Variants in GALNT13 observed in about 807,000 individuals in gnomAD.
The protein encoded by GALNT13 is polypeptide N-acetylgalactosaminyltransferase 13.
A neutral mutation model predicts 64.2 loss-of-function variants in GALNT13; 28 were observed. That is an observed-to-expected ratio of 0.44 (90% CI 0.32 to 0.60). GALNT13 has a LOEUF of 0.60. Among genes scored for constraint, GALNT13 ranks in the 20% least tolerant of loss-of-function variants. GALNT13 has a pLI of 0.05. For missense variants in GALNT13, 577 were observed against 669.8 expected (o/e 0.86, Z 1.53); for synonymous variants, 214 against 224.6 (o/e 0.95, Z 0.42).
At chr2:153,405,899 C>T in the GALNT13 span, among the ~76,000 whole-genome samples, 601 of 152,268 alleles carry the variant, frequency 3.9e-3, 1 homozygote, top group Non-Finnish European at 6.6e-3. Context: ...TAGATGCAGA[C>T]TGGCAAGCAA....
chr2:153,780,214 GATATATATATATATATATATATATAT>G, the GALNT13 span, among the ~76,000 whole-genome samples: 59,903 of 128,176 alleles, frequency 0.47, 15,593 homozygotes, highest in Middle Eastern at 0.61. Context: ...AGAATTTGAA[GATATATATATATATATATATATATAT>G]ATATATATAT....
chr2:153,989,084 A>G (rs1694996256), intron 3 of GALNT13, among the ~76,000 whole-genome samples: 1 of 152,004 alleles, frequency 6.6e-6, no homozygotes, highest in South Asian at 2.1e-4. Flanking sequence ...GTGCCTTAAG[A>G]ATGCCTGTAT....
the GALNT13 span, among the ~76,000 whole-genome samples, chr2:153,455,132 T>C: frequency 6.6e-6 from 1 of 152,154 alleles, no homozygotes; most frequent in Non-Finnish European, 1.5e-5. Context: ...TTTTCTTTGT[T>C]TTAGGTGATG....
At chr2:153,606,036 A>G in the GALNT13 span, among the ~76,000 whole-genome samples, 3,062 of 152,112 alleles carry the variant, frequency 0.02, 106 homozygotes, top group African/African-American at 0.071. Context: ...AGTTCCCCAT[A>G]TTTATACTCT....
chr2:154,232,835 C>G (rs1688990630), intron 4 of GALNT13, among the ~76,000 whole-genome samples: 1 of 147,976 alleles, frequency 6.8e-6, no homozygotes, highest in African/African-American at 2.5e-5. Flanking sequence ...GAGTTTGAGA[C>G]AAGCCTGGGC....
At chr2:153,812,519 C>T in the GALNT13 span, among the ~76,000 whole-genome samples, 1 of 152,130 alleles carries the variant, frequency 6.6e-6, no homozygotes. Context: ...TTTCTGTACA[C>T]ATTTATTCAT....
At chr2:154,002,478 G>T (rs964472854) in intron 3 of GALNT13, among the ~76,000 whole-genome samples, 2 of 151,644 alleles carry the variant, frequency 1.3e-5, no homozygotes, top group Non-Finnish European at 2.9e-5. Flanking sequence ...TTCATTTATT[G>T]TATCTATAAT....
chr2:154,032,455 AAAG>A (rs1393232459), intron 3 of GALNT13, among the ~76,000 whole-genome samples: 33 of 152,132 alleles, frequency 2.2e-4, no homozygotes, highest in African/African-American at 6.7e-4. Flanking sequence ...ATCACCAAGA[AAAG>A]AAATTGCCAA....
chr2:153,430,193 T>C, the GALNT13 span, among the ~76,000 whole-genome samples: 1 of 152,104 alleles, frequency 6.6e-6, no homozygotes, highest in Non-Finnish European at 1.5e-5. Context: ...GATTTGTACA[T>C]ACTTTGAACC....
At chr2:153,867,354 C>T (rs550153931), upstream of GALNT13, among the ~76,000 whole-genome samples, 21 of 151,822 alleles carry the variant, frequency 1.4e-4, no homozygotes, top group African/African-American at 5.1e-4. Flanking sequence ...GTGTAGTGAT[C>T]GATATGTTAT....
chr2:153,473,044 G>A, the GALNT13 span, among the ~76,000 whole-genome samples: 6 of 152,040 alleles, frequency 3.9e-5, no homozygotes, highest in Non-Finnish European at 8.8e-5. Flanking sequence ...GCGGGTGGGG[G>A]GCTAGGGGAG....
At chr2:153,544,999 C>A in the GALNT13 span, among the ~76,000 whole-genome samples, 1 of 151,930 alleles carries the variant, frequency 6.6e-6, no homozygotes, top group East Asian at 1.9e-4. Context: ...GGAGTTGGAT[C>A]AATGTTCTCT....
At chr2:153,421,644 G>T in the GALNT13 span, 2 of 267,572 alleles carry the variant, frequency 7.5e-6, no homozygotes, top group Admixed American at 7.8e-5. Flanking sequence ...TGCCAATGTC[G>T]TGATGCCCCC....
At chr2:154,438,306 A>G (rs1247270984) in intron 11 of GALNT13, among the ~76,000 whole-genome samples, 1 of 152,238 alleles carries the variant, frequency 6.6e-6, no homozygotes, top group East Asian at 1.9e-4. Context: ...GAGCTTTATA[A>G]TGCAAGTATC....
chr2:154,411,184 TAAAG>T lies in GALNT13; in HGVS notation c.1395+2107_1395+2110del, dbSNP rs953683756. Among the ~76,000 whole-genome samples, 53 of 151,990 alleles carry T rather than the reference TAAAG, an allele frequency of 3.5e-4. 1 individual carries two copies. The highest frequency in any genetic ancestry group is 1.2e-3 in the African/African-American group (48 of 41,558). On this transcript the variant is annotated intron_variant, in intron 11 of 12. Transcript: ENST00000392825. Reference sequence around the variant, plus strand: ...TATATAAAAACAGCTCAGGGATTCATAAAGAAAGTGATCAAATAATAATAAGCAT... The same window carrying T: ...TATATAAAAACAGCTCAGGGATTCATAAAGTGATCAAATAATAATAAGCAT...
At chr2:153,979,351 G>T (rs1694296725) in intron 3 of GALNT13, among the ~76,000 whole-genome samples, 1 of 152,076 alleles carries the variant, frequency 6.6e-6, no homozygotes, top group East Asian at 1.9e-4. Flanking sequence ...TGGCAATAAA[G>T]GCTTCCTTGC....
intron 8 of GALNT13, among the ~76,000 whole-genome samples, chr2:154,272,413 T>C (rs1017927159): frequency 6.6e-6 from 1 of 152,058 alleles, no homozygotes; most frequent in African/African-American, 2.4e-5. Flanking sequence ...TAGAGACCAA[T>C]GTCTAAAATG....
the GALNT13 span, among the ~76,000 whole-genome samples, chr2:153,787,963 A>G: frequency 7.2e-5 from 11 of 152,232 alleles, no homozygotes; most frequent in African/African-American, 9.6e-5. Context: ...TCTACAAATC[A>G]TTAGCATCCC....
intron 2 of GALNT13, among the ~76,000 whole-genome samples, chr2:153,925,567 A>G (rs1254231691): frequency 2.0e-5 from 2 of 100,546 alleles, no homozygotes. Flanking sequence ...TATGAATTTT[A>G]AAATTCTTTT....
Sources: allele counts gnomAD v4.1 joint callset (sites outside exome capture counted in the v4.1 genomes callset), GRCh38; gene constraint gnomAD v4.1.1; transcripts MANE v1.5; gene names NCBI Gene and HGNC (gene_info 2026-07-23, HGNC 2026-07-21).